The following SIPA1L3 variants were observed in gnomAD, a reference collection of about 807,000 sequenced individuals.
SIPA1L3 encodes signal induced proliferation associated 1 like 3.
In SIPA1L3, 59 loss-of-function variants were observed where a neutral mutation model predicts 150.1. The ratio of observed to expected loss-of-function variants is 0.39; its 90% CI spans 0.32 to 0.49. The LOEUF is 0.49. Among genes scored for constraint, SIPA1L3 ranks in the 20% least tolerant of loss-of-function variants. The pLI is 0.86. For missense variants in SIPA1L3, 2,211 were observed against 2,489.5 expected (o/e 0.89, Z 2.38); for synonymous variants, 1,070 against 1,077.6 (o/e 0.99, Z 0.14).
intron 1 of SIPA1L3, among the ~76,000 whole-genome samples, chr19:37,940,232 G>A (rs1231102475): frequency 2.0e-5 from 3 of 150,850 alleles, no homozygotes; most frequent in South Asian, 2.1e-4. Flanking sequence ...AGTGAGCCGA[G>A]ATTGCACCGC....
At chr19:37,989,662 ATTC>A (rs1967448476) in intron 1 of SIPA1L3, among the ~76,000 whole-genome samples, 1 of 130,326 alleles carries the variant, frequency 7.7e-6, no homozygotes, top group African/African-American at 2.8e-5. Flanking sequence ...CTTAGGATGA[ATTC>A]TTTTTTTTTT....
chr19:38,114,439 A>C (rs1201613888), intron 8 of SIPA1L3, among the ~76,000 whole-genome samples: 1 of 151,972 alleles, frequency 6.6e-6, no homozygotes, highest in Admixed American at 6.6e-5. Flanking sequence ...AAAAAAAAAA[A>C]AAAAAATTGC....
chr19:38,056,310 C>T (rs1195632505), intron 2 of SIPA1L3, among the ~76,000 whole-genome samples: 1 of 152,252 alleles, frequency 6.6e-6, no homozygotes, highest in African/African-American at 2.4e-5. Flanking sequence ...CCATGACAGC[C>T]AGTCGGGCCA....
intron 10 of SIPA1L3, among the ~76,000 whole-genome samples, chr19:38,137,897 G>A (rs1272724174): frequency 1.3e-5 from 2 of 152,160 alleles, no homozygotes; most frequent in East Asian, 3.9e-4. Context: ...TTGGGAGGCC[G>A]AGGTGGATGC....
chr19:38,151,228 C>G (rs1001149755), intron 12 of SIPA1L3, among the ~76,000 whole-genome samples: 2 of 152,178 alleles, frequency 1.3e-5, no homozygotes, highest in Non-Finnish European at 1.5e-5. Flanking sequence ...GCAGACTTAC[C>G]CCATTTCAGT....
At chr19:37,926,551 C>A (rs1319469950) in intron 1 of SIPA1L3, among the ~76,000 whole-genome samples, 1 of 152,070 alleles carries the variant, frequency 6.6e-6, no homozygotes, top group Non-Finnish European at 1.5e-5. Context: ...GGCAGAGCAC[C>A]CAGCTTGAGG....
chr19:38,042,355 T>C (rs186743344), intron 2 of SIPA1L3, among the ~76,000 whole-genome samples: 1 of 152,366 alleles, frequency 6.6e-6, no homozygotes, highest in African/African-American at 2.4e-5. Context: ...ACTATAGCTT[T>C]GTAATATAAT....
At chr19:38,015,508 G>A (rs1428294629) in intron 1 of SIPA1L3, among the ~76,000 whole-genome samples, 4 of 151,996 alleles carry the variant, frequency 2.6e-5, no homozygotes, top group African/African-American at 4.8e-5. Flanking sequence ...CAGACTGCTT[G>A]ACCCCAGGAG....
At chr19:38,055,945 C>A (rs540814391) in intron 2 of SIPA1L3, among the ~76,000 whole-genome samples, 2 of 152,172 alleles carry the variant, frequency 1.3e-5, no homozygotes, top group Non-Finnish European at 2.9e-5. Flanking sequence ...GGAGCCCAGC[C>A]GAACTAGCCG....
At chr19:38,079,155 A>G (rs1004821458) in intron 2 of SIPA1L3, among the ~76,000 whole-genome samples, 5 of 152,160 alleles carry the variant, frequency 3.3e-5, no homozygotes, top group Admixed American at 6.5e-5. Context: ...ACACGGTGAA[A>G]CCCTGTCTCT....
chr19:38,138,910 A>AAAAAAAAAAAAAAAAAAAC (rs1343348254), intron 10 of SIPA1L3, among the ~76,000 whole-genome samples: 115 of 112,840 alleles, frequency 1.0e-3, no homozygotes, highest in Non-Finnish European at 1.2e-3. Flanking sequence ...AAAAAAAAAA[A>AAAAAAAAAAAAAAAAAAAC]AAAAACTGAG....
At chr19:37,959,100 T>C (rs940195428) in intron 1 of SIPA1L3, among the ~76,000 whole-genome samples, 5 of 152,238 alleles carry the variant, frequency 3.3e-5, no homozygotes, top group African/African-American at 1.2e-4. Flanking sequence ...GGTGTAGCCA[T>C]TTTGGAAAAC....
At chr19:38,128,894 TA>T (rs397941645) in intron 9 of SIPA1L3, among the ~76,000 whole-genome samples, 63 of 145,846 alleles carry the variant, frequency 4.3e-4, no homozygotes, top group Non-Finnish European at 5.0e-4. Flanking sequence ...GACTCCGTCT[TA>T]AAAAAAAAAA....
chr19:38,173,973 TG>T (rs968213732), intron 15 of SIPA1L3, among the ~76,000 whole-genome samples: 53 of 141,352 alleles, frequency 3.7e-4, no homozygotes, highest in Admixed American at 1.7e-3. Flanking sequence ...GGGGGGCAGA[TG>T]GGGGGCCCTG....
At chr19:37,979,138 C>T (rs947760021) in intron 1 of SIPA1L3, among the ~76,000 whole-genome samples, 3 of 152,032 alleles carry the variant, frequency 2.0e-5, no homozygotes, top group African/African-American at 7.2e-5. Flanking sequence ...CTGTAGCCTG[C>T]GGGCGAGATC....
At chr19:38,073,620 C>T (rs771279685) in intron 2 of SIPA1L3, among the ~76,000 whole-genome samples, 4 of 152,112 alleles carry the variant, frequency 2.6e-5, no homozygotes, top group Non-Finnish European at 4.4e-5. Context: ...AGTCTGTGGC[C>T]GAATCACAAT....
At position 38,182,553 on chromosome 19, in the gene SIPA1L3, G is replaced by A. The variant is rs757106295; in HGVS notation, c.4243G>A (p.Val1415Ile). 5 of 1,613,856 alleles carry A rather than the reference G, an allele frequency of 3.1e-6. No individual in the cohort carries two copies. The East Asian group carries it at 1.1e-4, about 36-fold the overall frequency. Reference sequence around the variant, plus strand: ...CTCGAGGGTTGGCTACCCCGCTCAGGTTTACAAAACTGCCAGTGCAGAGAC... The same window carrying A: ...CTCGAGGGTTGGCTACCCCGCTCAGATTTACAAAACTGCCAGTGCAGAGAC... The part of the protein sequence containing the change: ...MGSRVGYPAQ[V>I]YKTASAETPR... Residue 1415 changes from valine (V) to isoleucine (I), a missense_variant, in exon 16 of 22, where the codon GTT becomes ATT. Physicochemically the swap from Val to Ile is conservative, Grantham distance 29. This residue lies in a region of SIPA1L3 where 806 missense variants were observed against 870.1 expected (regional missense o/e 0.93). Transcript: ENST00000222345.
intron 10 of SIPA1L3, among the ~76,000 whole-genome samples, chr19:38,138,648 A>G (rs1371681909): frequency 1.2e-4 from 3 of 24,866 alleles, no homozygotes; most frequent in African/African-American, 6.3e-4. Context: ...CTGTAATCCT[A>G]GCACTTTGGG....
intron 12 of SIPA1L3, among the ~76,000 whole-genome samples, chr19:38,145,174 C>T (rs1315738971): frequency 6.6e-6 from 1 of 152,046 alleles, no homozygotes; most frequent in African/African-American, 2.4e-5. Context: ...GTCTTGGTAT[C>T]TGCCTTTATT....
Sources: gnomAD v4.1 joint callset for allele counts (sites outside exome capture counted in the v4.1 genomes callset) on GRCh38, gnomAD v4.1.1 for gene constraint, gnomAD v4.1.1 regional missense constraint, MANE v1.5 for transcripts, NCBI Gene and HGNC (gene_info 2026-07-23, HGNC 2026-07-21) for gene names.